TRDN: variants seen among roughly 807,000 people sequenced by gnomAD.
The protein encoded by TRDN is triadin in skeletal muscle.
TRDN carries 161 observed loss-of-function variants against 149.7 expected under a neutral mutation model. That is an observed-to-expected ratio of 1.08 (90% CI 0.95 to 1.23). The LOEUF (loss-of-function observed/expected upper bound fraction) is 1.23. Among genes scored for constraint, TRDN ranks in the 50% most tolerant of loss-of-function variants. The pLI is 0.00. For missense variants in TRDN, 896 were observed against 823.5 expected, an observed-to-expected ratio of 1.09 and a Z score of -1.08; for synonymous variants, 294 against 250.5, an observed-to-expected ratio of 1.17 and a Z score of -1.64.
intron 1 of TRDN, among the ~76,000 whole-genome samples, chr6:123,606,150 T>C (rs917999065): frequency 6.6e-6 from 1 of 152,124 alleles, no homozygotes; most frequent in African/African-American, 2.4e-5. Flanking sequence ...AATTAAATAA[T>C]TTAGTAGAAT....
intron 2 of TRDN, among the ~76,000 whole-genome samples, chr6:123,566,439 G>C (rs1036006609): frequency 6.6e-6 from 1 of 152,166 alleles, no homozygotes; most frequent in Non-Finnish European, 1.5e-5. Context: ...TCTGAAAATA[G>C]GGGGAATTGT....
At chr6:123,222,878 A>C (rs1775202311) in intron 39 of TRDN, among the ~76,000 whole-genome samples, 1 of 151,912 alleles carries the variant, frequency 6.6e-6, no homozygotes. Flanking sequence ...ACATTCAATC[A>C]ACAAGCGTAT....
rs148375340 is a variant in TRDN, at chr6:123,619,972, C to T, written c.22+16782G>A. Among the ~76,000 whole-genome samples, 612 of 152,192 alleles carry T rather than the reference C, an allele frequency of 4.0e-3. 7 individuals carry two copies. Among genetic ancestry groups the T allele is most frequent in the African/African-American group, 0.014 (580 of 41,546 alleles). ...GACCTCCACACACTTTTGCTCTCTT[C>T]CAGGCAAATAGTTTCTCTCTTTGAT... On this transcript the variant is annotated intron_variant, in intron 1 of 40. Transcript: ENST00000334268.
chr6:123,502,270 T>C, intron 8 of TRDN: 1 of 930,170 alleles, frequency 1.1e-6, no homozygotes, highest in Non-Finnish European at 1.3e-6. Flanking sequence ...ACTTACTTCA[T>C]CCTTTTTGTC....
intron 12 of TRDN, among the ~76,000 whole-genome samples, chr6:123,429,500 T>C (rs1774249865): frequency 1.3e-5 from 2 of 152,198 alleles, no homozygotes; most frequent in Non-Finnish European, 1.5e-5. Flanking sequence ...GAAAATCTTA[T>C]AGACTTTTAG....
At chr6:123,322,443 A>G (rs1051416748) in intron 23 of TRDN, among the ~76,000 whole-genome samples, 1 of 152,016 alleles carries the variant, frequency 6.6e-6, no homozygotes, top group African/African-American at 2.4e-5. Flanking sequence ...TTATCTCAGG[A>G]ATTTGTGGCT....
rs140240633 is a variant in TRDN, at chr6:123,526,717, A to T, written c.484+3789T>A. Among the ~76,000 whole-genome samples, 1,067 of 152,174 alleles carry T rather than the reference A, an allele frequency of 7.0e-3. 6 individuals carry two copies. The highest frequency in any genetic ancestry group is 0.024 in the African/African-American group (978 of 41,542). On this transcript the variant is annotated intron_variant, in intron 5 of 40. Transcript: ENST00000334268. ...CAATATTAAATTTTTAAGAAGGGAA[A>T]CACAAATATAGAACTGACAAGGCAG...
At chr6:123,497,994 T>C (rs1334321814) in intron 8 of TRDN, among the ~76,000 whole-genome samples, 1 of 151,948 alleles carries the variant, frequency 6.6e-6, no homozygotes, top group African/African-American at 2.4e-5. Context: ...TTTTTTCTAT[T>C]CCCTCTAGAT....
intron 8 of TRDN, among the ~76,000 whole-genome samples, chr6:123,498,918 A>G (rs187154268): frequency 9.7e-4 from 147 of 152,272 alleles, no homozygotes; most frequent in African/African-American, 3.2e-3. Context: ...CTCAAAGGGC[A>G]ACTTAAACAC....
intron 10 of TRDN, among the ~76,000 whole-genome samples, chr6:123,463,260 C>T (rs1320470030): frequency 1.3e-5 from 2 of 151,572 alleles, no homozygotes; most frequent in South Asian, 4.2e-4. Context: ...TGGCGTGAAC[C>T]CGGGAGGCGG....
At chr6:123,388,649 TG>T in intron 13 of TRDN, 98 bp from the exon 14 acceptor site, 1 of 1,360,150 alleles carries the variant, frequency 7.4e-7, no homozygotes, top group Admixed American at 2.0e-5. Context: ...ATAAATTCAG[TG>T]GTCACCTATA....
intron 40 of TRDN, among the ~76,000 whole-genome samples, chr6:123,220,688 C>A (rs9482364): frequency 2.0e-5 from 3 of 151,654 alleles, no homozygotes; most frequent in Non-Finnish European, 4.4e-5. Flanking sequence ...GAGGCATTTG[C>A]TATTGTAAGG....
intron 2 of TRDN, among the ~76,000 whole-genome samples, chr6:123,562,848 C>G (rs888163913): frequency 5.9e-5 from 9 of 152,224 alleles, no homozygotes; most frequent in Admixed American, 3.9e-4. Flanking sequence ...TTTTGGTGAG[C>G]TAATTGTTTT....
intron 24 of TRDN, among the ~76,000 whole-genome samples, chr6:123,281,262 G>A (rs759365019): frequency 6.6e-6 from 1 of 151,920 alleles, no homozygotes; most frequent in Non-Finnish European, 1.5e-5. Flanking sequence ...AGAACAAAAG[G>A]CTGAGAACCT....
At chr6:123,598,245 T>C (rs1010979447) in intron 1 of TRDN, among the ~76,000 whole-genome samples, 1 of 152,046 alleles carries the variant, frequency 6.6e-6, no homozygotes, top group Non-Finnish European at 1.5e-5. Context: ...TCAAGGTAAA[T>C]AGCAGTACTC....
intron 40 of TRDN, among the ~76,000 whole-genome samples, chr6:123,219,744 C>T (rs1206757227): frequency 6.6e-6 from 1 of 151,678 alleles, no homozygotes; most frequent in Non-Finnish European, 1.5e-5. Context: ...TTTCTCTTTT[C>T]TTCTATCTTC....
At chr6:123,516,032 C>G (rs1673175821) in intron 6 of TRDN, 109 bp downstream of exon 6, 1 of 1,134,262 alleles carries the variant, frequency 8.8e-7, no homozygotes, top group African/African-American at 1.6e-5. Context: ...GAAAATAATC[C>G]TAATCTAATT....
intron 5 of TRDN, among the ~76,000 whole-genome samples, chr6:123,517,908 T>C (rs557532516): frequency 6.6e-6 from 1 of 152,178 alleles, no homozygotes; most frequent in African/African-American, 2.4e-5. Context: ...CTCTACTCAG[T>C]AAATGAAATC....
At chr6:123,522,032 T>G (rs1160843751) in intron 5 of TRDN, among the ~76,000 whole-genome samples, 2 of 152,168 alleles carry the variant, frequency 1.3e-5, no homozygotes, top group African/African-American at 4.8e-5. Context: ...GACCACTTTT[T>G]CCATTTACAC....
Sources: gnomAD v4.1 joint callset for allele counts (sites outside exome capture counted in the v4.1 genomes callset) on GRCh38, gnomAD v4.1.1 for gene constraint, MANE v1.5 for transcripts, NCBI Gene and HGNC (gene_info 2026-07-23, HGNC 2026-07-21) for gene names.